Variants in ASZ1 observed in about 807,000 individuals in gnomAD.
ASZ1 encodes the protein ankyrin repeat, SAM and basic leucine zipper domain-containing protein 1.
In ASZ1, 67 loss-of-function variants were observed where a neutral mutation model predicts 61.8. That is an observed-to-expected ratio of 1.08 (90% CI 0.89 to 1.33). The LOEUF is 1.33. ASZ1 is among the 40% of genes most tolerant of loss of function. The pLI is 0.00. For synonymous variants in ASZ1, 193 were observed against 192.7 expected (o/e 1.00, Z -0.01); for missense variants, 577 against 554.5 (o/e 1.04, Z -0.41).
At chr7:117,376,533 C>CA (rs138688705) in intron 10 of ASZ1, among the ~76,000 whole-genome samples, 3,492 of 152,104 alleles carry the variant, frequency 0.023, 132 homozygotes, top group African/African-American at 0.08. Flanking sequence ...AACTTAGACA[C>CA]AAAATTCTTA....
intron 4 of ASZ1, among the ~76,000 whole-genome samples, chr7:117,402,126 G>A (rs1400149692): frequency 6.6e-6 from 1 of 152,152 alleles, no homozygotes; most frequent in Non-Finnish European, 1.5e-5. Context: ...CTAAGCACTT[G>A]AGAGTTAATT....
Position 117,385,762 on chromosome 7 carries a change from T to G in ASZ1, c.488A>C (p.Gln163Pro). 2 of 1,613,748 alleles carry G rather than the reference T, an allele frequency of 1.2e-6. No homozygotes were observed. Among genetic ancestry groups the G allele is most frequent in the Non-Finnish European group, 1.7e-6 (2 of 1,179,778 alleles). Residue 163 changes from glutamine to proline, a missense_variant, in exon 5 of 13, where the codon CAG (glutamine) becomes CCG (proline). Gln to Pro is a moderately conservative substitution (Grantham distance 76). Transcript: ENST00000284629. ...ATGAGCAACAAGGAGAGCAACAACCTGGGTGTGACCATCTCGAGCAGCATA... is the reference window on the plus strand; with the variant it reads ...ATGAGCAACAAGGAGAGCAACAACCGGGGTGTGACCATCTCGAGCAGCATA... ...IMYAARDGHT[Q>P]VVALLVAHGA...
At chr7:117,377,532 A>AT (rs1796159964) in intron 10 of ASZ1, among the ~76,000 whole-genome samples, 1 of 152,144 alleles carries the variant, frequency 6.6e-6, no homozygotes, top group Non-Finnish European at 1.5e-5. Context: ...GGTCTCAAAA[A>AT]ATATATTTTA....
At chr7:117,409,189 A>T (rs771001326) in intron 4 of ASZ1, among the ~76,000 whole-genome samples, 1 of 152,066 alleles carries the variant, frequency 6.6e-6, no homozygotes. Context: ...CTTTAACCAC[A>T]TTATATTATT....
In ASZ1 at chr7:117,422,349, T is replaced by A. The variant is rs1797114705; in HGVS notation, c.216A>T (p.Val72=). Residue 72 remains valine, a synonymous_variant, in exon 3 of 13, where the codon GTA becomes GTT. Coordinates refer to ENST00000284629, the MANE Select transcript of ASZ1 (RefSeq NM_130768.3). The stretch of plus-strand genomic sequence containing the variant: ...TCCATCCATACTGAAAGTTGGAATC[T>A]ACACTAATGCCTGTCAATATAAAAA... The part of the protein sequence containing the change: ...VQELLDSGIS[V]DSNFQYGWTP... The A allele has an allele frequency of 8.7e-6, 14 of 1,610,488 alleles. No homozygotes were observed. Among genetic ancestry groups the A allele is most frequent in the Non-Finnish European group, 1.2e-5 (14 of 1,179,130 alleles).
chr7:117,388,760 A>C (rs763717290), intron 4 of ASZ1, among the ~76,000 whole-genome samples: 1 of 152,162 alleles, frequency 6.6e-6, no homozygotes, highest in African/African-American at 2.4e-5. Flanking sequence ...ATTTCTACCC[A>C]ACATTGTATT....
intron 4 of ASZ1, among the ~76,000 whole-genome samples, chr7:117,414,767 AATG>A (rs1403903563): frequency 6.6e-6 from 1 of 152,026 alleles, no homozygotes; most frequent in African/African-American, 2.4e-5. Context: ...GTTTGCTGAG[AATG>A]ATGGTTTCCA....
intron 4 of ASZ1, among the ~76,000 whole-genome samples, chr7:117,418,321 T>G (rs2116531753): frequency 6.6e-6 from 1 of 152,310 alleles, no homozygotes; most frequent in Middle Eastern, 3.4e-3. Context: ...AGTTACATTT[T>G]ACTAAGGATT....
chr7:117,417,394 G>A (rs1273493351), intron 4 of ASZ1, among the ~76,000 whole-genome samples: 1 of 152,152 alleles, frequency 6.6e-6, no homozygotes, highest in Admixed American at 6.6e-5. Context: ...CTGAAGATCT[G>A]TTTTTCTCCT....
chr7:117,408,523 G>A (rs1372760473), intron 4 of ASZ1, among the ~76,000 whole-genome samples: 1 of 152,022 alleles, frequency 6.6e-6, no homozygotes, highest in Non-Finnish European at 1.5e-5. Flanking sequence ...CATAGGTTGG[G>A]TTATAAAGAA....
intron 4 of ASZ1, among the ~76,000 whole-genome samples, chr7:117,414,531 G>A (rs549542372): frequency 8.9e-4 from 136 of 152,082 alleles, no homozygotes; most frequent in African/African-American, 3.2e-3. Context: ...CATTTGTAGA[G>A]CATGCAGGTT....
chr7:117,416,875 T>G (rs1354873542), intron 4 of ASZ1, among the ~76,000 whole-genome samples: 1 of 152,234 alleles, frequency 6.6e-6, no homozygotes, highest in Admixed American at 6.5e-5. Context: ...TTCTTAATCT[T>G]TATTCTTCCA....
At chr7:117,367,304 A>T in intron 12 of ASZ1, 48 bp downstream of exon 12, 1 of 1,328,368 alleles carries the variant, frequency 7.5e-7, no homozygotes, top group South Asian at 2.1e-5. Flanking sequence ...CTTTTGCTGT[A>T]AATCATTTCC....
intron 6 of ASZ1, 37 bp from the exon 7 acceptor site, chr7:117,383,147 T>C (rs535495748): frequency 6.7e-6 from 10 of 1,486,388 alleles, no homozygotes; most frequent in Admixed American, 2.4e-5. Context: ...ATAATTAACA[T>C]TGCATACTGT....
chr7:117,426,760 T>C (rs1178198847), intron 2 of ASZ1, 76 bp downstream of exon 2: 1 of 1,294,222 alleles, frequency 7.7e-7, no homozygotes, highest in Non-Finnish European at 1.1e-6. Context: ...AAAAGCAACA[T>C]AAACCTTTTA....
chr7:117,393,604 C>T (rs1237897444), intron 4 of ASZ1, among the ~76,000 whole-genome samples: 1 of 152,072 alleles, frequency 6.6e-6, no homozygotes, highest in Non-Finnish European at 1.5e-5. Context: ...TTATTTTCCA[C>T]TCTAATGTAA....
At chr7:117,399,066 A>C (rs1250874733) in intron 4 of ASZ1, among the ~76,000 whole-genome samples, 1 of 151,978 alleles carries the variant, frequency 6.6e-6, no homozygotes, top group Non-Finnish European at 1.5e-5. Flanking sequence ...CTGTCTTTAC[A>C]AAAAATTTAA....
intron 5 of ASZ1, 95 bp from the exon 6 acceptor site, chr7:117,384,955 AAG>A: frequency 8.9e-7 from 1 of 1,119,844 alleles, no homozygotes; most frequent in African/African-American, 1.6e-5. Flanking sequence ...CACAATAAAA[AAG>A]AGAACATAGT....
At chr7:117,380,481 T>G (rs1796229115) in intron 9 of ASZ1, among the ~76,000 whole-genome samples, 1 of 151,876 alleles carries the variant, frequency 6.6e-6, no homozygotes, top group East Asian at 1.9e-4. Flanking sequence ...TGTAGTATGC[T>G]TACTGATTTT....
Sources: allele counts gnomAD v4.1 joint callset (sites outside exome capture counted in the v4.1 genomes callset), GRCh38; gene constraint gnomAD v4.1.1; transcripts MANE v1.5; gene names NCBI Gene and HGNC (gene_info 2026-07-23, HGNC 2026-07-21).